CEBPZ: variants seen among roughly 807,000 people sequenced by gnomAD.
CEBPZ encodes the protein CCAAT enhancer binding protein zeta.
Under a neutral mutation model 104.5 loss-of-function variants are expected in CEBPZ, and 78 were observed. The ratio of observed to expected loss-of-function variants is 0.75; its 90% confidence interval spans 0.62 to 0.90. The LOEUF (loss-of-function observed/expected upper bound fraction) is 0.90. CEBPZ is among the 40% of genes least tolerant of loss of function. The probability of loss-of-function intolerance (pLI) is 0.00; values close to 1 mark genes in which losing one functional copy is unlikely to be tolerated. For synonymous variants in CEBPZ, 470 were observed against 427.0 expected, an observed-to-expected ratio of 1.10 and a Z score of -1.24; for missense variants, 1,439 against 1,233.5, an observed-to-expected ratio of 1.17 and a Z score of -2.50.
intron 3 of CEBPZ, among the ~76,000 whole-genome samples, chr2:37,222,947 T>C (rs1664804683): frequency 6.6e-6 from 1 of 152,214 alleles, no homozygotes; most frequent in African/African-American, 2.4e-5. Flanking sequence ...CATATAATGG[T>C]AGCTTCTAGT....
At chr2:37,207,478 T>C (rs898420214) in intron 13 of CEBPZ, among the ~76,000 whole-genome samples, 4 of 152,120 alleles carry the variant, frequency 2.6e-5, no homozygotes, top group African/African-American at 9.7e-5. Flanking sequence ...TGGAATACAA[T>C]TGGAAATTAA....
At chr2:37,217,508 C>G (rs772260830) in intron 5 of CEBPZ, among the ~76,000 whole-genome samples, 1 of 152,120 alleles carries the variant, frequency 6.6e-6, no homozygotes, top group African/African-American at 2.4e-5. Context: ...ACTTAAAAAC[C>G]AAAAATTCCA....
chr2:37,221,011 A>T lies in CEBPZ; in HGVS notation c.2066-538T>A, dbSNP rs529186343. 2.6e-4 allele frequency among the ~76,000 whole-genome samples: 40 copies of T among 152,230 alleles called. 1 individual carries two copies. The highest frequency in any genetic ancestry group is 8.5e-4 in the Admixed American group (13 of 15,292). ...GACCCTGACTCAAAAATAAGTAAGT[A>T]AAAGCTCCCTTCAAAACTTCTCCTT... On this transcript the variant is annotated intron_variant, in intron 4 of 15. Transcript: ENST00000234170.
chr2:37,213,986 G>A lies in CEBPZ; in HGVS notation c.2448-25C>T, dbSNP rs1402766109. The A allele has an allele frequency of 3.1e-6, 4 of 1,303,628 alleles. No homozygotes were observed. In the African/African-American group the frequency reaches 4.7e-5, roughly 15 times the overall value. The allele number at this position is 1,303,628 out of a possible 1,614,324, so 80.8% of individuals were successfully genotyped here. A position where few individuals can be genotyped will look rare whatever the true frequency, so the allele number is the denominator to read the frequency against. On this transcript the variant is annotated intron_variant, in intron 9 of 15. Coordinates refer to ENST00000234170, the MANE Select transcript of CEBPZ (RefSeq NM_005760.3). ...CCTATAATATTCATGTTATATATTT[G>A]ACAATTTTATTAAAGGTCTAATCTT...
At chr2:37,226,048 T>C (rs1326444983) in intron 2 of CEBPZ, among the ~76,000 whole-genome samples, 1 of 150,428 alleles carries the variant, frequency 6.6e-6, no homozygotes, top group African/African-American at 2.5e-5. Context: ...GCTGACCCTC[T>C]CCCCACAATT....
At position 37,211,976 on chromosome 2, in the gene CEBPZ, A is replaced by G; in HGVS notation, c.2667T>C (p.Ser889=). The change falls in exon 12 of 16, where the codon AGT becomes AGC. Residue 889 remains serine, a synonymous_variant. Transcript: ENST00000234170. The part of the protein sequence containing the change: ...DNTLDEDSEG[S]DDELGNLDDD... The stretch of plus-strand genomic sequence containing the variant: ...CATCCAGGTTACCAAGTTCATCATC[A>G]CTACCTTCTGAATCTTCATCTAATG... 2 of 1,613,270 alleles carry G rather than the reference A, an allele frequency of 1.2e-6. No homozygotes were observed. The highest frequency in any genetic ancestry group is 8.5e-7 in the Non-Finnish European group (1 of 1,179,756).
chr2:37,230,246 T>A (rs536309814), intron 1 of CEBPZ, among the ~76,000 whole-genome samples: 1 of 152,192 alleles, frequency 6.6e-6, no homozygotes, highest in Non-Finnish European at 1.5e-5. Context: ...GATAGGTGTA[T>A]ATATATGGTA....
At chr2:37,212,226 A>G (rs1677743269) in intron 11 of CEBPZ, 109 bp downstream of exon 11, 2 of 1,087,020 alleles carry the variant, frequency 1.8e-6, no homozygotes, top group Non-Finnish European at 2.7e-6. Context: ...TCCCAAACTT[A>G]CTTGACTACA....
intron 10 of CEBPZ, chr2:37,213,644 C>T (rs1048363154): frequency 4.8e-6 from 2 of 415,874 alleles, no homozygotes; most frequent in African/African-American, 2.2e-5. Flanking sequence ...GAACTCCTGA[C>T]CTCAAACAAT....
In CEBPZ at chr2:37,228,464, TG is replaced by T; in HGVS notation, c.728del (p.Thr243AsnfsTer2). ...TCATGGCTGCCATCCTGTCACCTAGTGTCCCCGATGACACAATTGCCTTCAT... is the reference window on the plus strand; with the variant it reads ...TCATGGCTGCCATCCTGTCACCTAGTTCCCCGATGACACAATTGCCTTCAT... ...TWMKAIVSSG[T>X]LGDRMAAMIL... On this transcript the variant is annotated frameshift_variant, in exon 2 of 16. Transcript: ENST00000234170. LOFTEE classifies it high-confidence loss of function. The T allele has an allele frequency of 6.2e-7, 1 of 1,614,214 alleles. No individual in the cohort carries two copies.
intron 4 of CEBPZ, among the ~76,000 whole-genome samples, chr2:37,221,701 T>C (rs1166333470): frequency 6.6e-6 from 1 of 152,246 alleles, no homozygotes; most frequent in Non-Finnish European, 1.5e-5. Context: ...CAAACTTTTC[T>C]GGCAGCTATC....
In CEBPZ at chr2:37,225,447, AC is replaced by A. The variant is rs534284519; in HGVS notation, c.1650-2047del. On this transcript the variant is annotated intron_variant, in intron 2 of 15. Transcript: ENST00000234170. ...TGAGATTCTGTTAATCTATAACCTT[AC>A]CCCCAACCCCGTGCTCTCTGAAACA... Among the ~76,000 whole-genome samples, 260 of 148,052 alleles carry A rather than the reference AC, an allele frequency of 1.8e-3. 1 individual carries two copies. The highest frequency in any genetic ancestry group is 6.4e-3 in the African/African-American group (255 of 40,042).
At chr2:37,231,266 A>T (rs188226384) in intron 1 of CEBPZ, 146 bp downstream of exon 1, 12 of 1,062,702 alleles carry the variant, frequency 1.1e-5, no homozygotes, top group Non-Finnish European at 1.7e-5. Flanking sequence ...CGGCGTGGGA[A>T]GCGCACCGAA....
At chr2:37,229,391 C>T (rs1194191134) in intron 1 of CEBPZ, among the ~76,000 whole-genome samples, 1 of 152,056 alleles carries the variant, frequency 6.6e-6, no homozygotes, top group Non-Finnish European at 1.5e-5. Context: ...GTGCAAAGGA[C>T]ATGAACAGTT....
intron 8 of CEBPZ, 117 bp downstream of exon 8, chr2:37,216,023 A>C (rs2148354157): frequency 1.4e-6 from 1 of 707,070 alleles, no homozygotes; most frequent in South Asian, 2.6e-5. Flanking sequence ...AAAAAGATGG[A>C]TAATGTCTTT....
chr2:37,211,925 C>T lies in CEBPZ; in HGVS notation c.2718G>A (p.Met906Ile). Residue 906 changes from methionine to isoleucine, a missense_variant, in exon 12 of 16, where the codon ATG becomes ATA. Coordinates refer to ENST00000234170, the MANE Select transcript of CEBPZ (RefSeq NM_005760.3). ...CAACTTCAGCAAATTCTTCATCATC[C>T]ATACTTCCTAAAGAAACTTCATCGT... Reference protein sequence around the residue: ...LDDDEVSLGSMDDEEFAEVDE... With the variant: ...LDDDEVSLGSIDDEEFAEVDE... 2 of 1,613,564 alleles carry T rather than the reference C, an allele frequency of 1.2e-6. No individual in the cohort carries two copies. The highest frequency in any genetic ancestry group is 1.7e-6 in the Non-Finnish European group (2 of 1,179,806).
Position 37,215,672 on chromosome 2 carries a change from T to C in CEBPZ, c.2380+468A>G, listed in dbSNP as rs1677850240. ...CTTTGAATACAACAACAGACTCAGA[T>C]CCAGAAGATGGCTAGCAAATATAGA... On this transcript the variant is annotated intron_variant, in intron 8 of 15. Transcript: ENST00000234170. Among the ~76,000 whole-genome samples, 3 of 152,164 alleles carry C rather than the reference T, an allele frequency of 2.0e-5. No individual in the cohort carries two copies. The South Asian group carries it at 6.2e-4, about 31-fold the overall frequency.
chr2:37,216,473 A>G, intron 6 of CEBPZ, 55 bp from the exon 7 acceptor site: 1 of 1,226,224 alleles, frequency 8.2e-7, no homozygotes, highest in Non-Finnish European at 1.2e-6. Context: ...CTATGAATCC[A>G]AGTAAGAAAA....
At position 37,220,328 on chromosome 2, in the gene CEBPZ, AATATAT is replaced by A. The variant is rs1290286359; in HGVS notation, c.2154+51_2154+56del. The A allele has an allele frequency of 3.6e-3, 1,816 of 500,908 alleles. 47 individuals are homozygous for A. Among genetic ancestry groups the A allele is most frequent in the South Asian group, 0.016 (267 of 16,372 alleles). 31.0% of individuals were successfully genotyped at this position (500,908 alleles called of 1,614,324 possible). A position where few individuals can be genotyped will look rare whatever the true frequency, so the allele number is the denominator to read the frequency against. On this transcript the variant is annotated intron_variant, in intron 5 of 15. Coordinates refer to ENST00000234170, the MANE Select transcript of CEBPZ (RefSeq NM_005760.3). ...AAGACTCTGTCTCAAAAAAAAAAAA[AATATAT>A]ATATATATATATAGCATAAATGAAT...
Sources: allele counts gnomAD v4.1 joint callset (sites outside exome capture counted in the v4.1 genomes callset), GRCh38; gene constraint gnomAD v4.1.1; transcripts MANE v1.5; gene names NCBI Gene and HGNC (gene_info 2026-07-23, HGNC 2026-07-21).